Variants in KDM5B observed in about 807,000 individuals in gnomAD.
The protein encoded by KDM5B is lysine demethylase 5B.
Under a neutral mutation model 193.4 loss-of-function variants are expected in KDM5B, and 144 were observed. The ratio of observed to expected loss-of-function variants is 0.74; its 90% CI spans 0.65 to 0.86. The LOEUF is 0.86. KDM5B is among the 40% of genes least tolerant of loss of function. KDM5B has a pLI of 0.00. For missense variants in KDM5B, 1,833 were observed against 1,886.9 expected, an observed-to-expected ratio of 0.97 and a Z score of 0.53; for synonymous variants, 668 against 682.6, an observed-to-expected ratio of 0.98 and a Z score of 0.33.
At chr1:202,749,942 A>G (rs1048999318) in intron 13 of KDM5B, among the ~76,000 whole-genome samples, 5 of 152,254 alleles carry the variant, frequency 3.3e-5, no homozygotes, top group African/African-American at 1.2e-4. Context: ...ATACAAATAT[A>G]AAAATTAAAC....
intron 16 of KDM5B, 117 bp downstream of exon 16, chr1:202,745,741 G>C: frequency 8.6e-7 from 1 of 1,164,550 alleles, no homozygotes; most frequent in Non-Finnish European, 1.3e-6. Flanking sequence ...GCTATGTAGA[G>C]GGGCTAACCA....
At position 202,729,012 on chromosome 1, in the gene KDM5B, A is replaced by AG. The variant is rs765282597; in HGVS notation, c.*23dup. 1.9e-6 allele frequency: 3 copies of AG among 1,613,744 alleles called. No homozygotes were observed. Among genetic ancestry groups the AG allele is most frequent in the East Asian group, 2.2e-5 (1 of 44,880 alleles). On this transcript the variant is annotated 3_prime_UTR_variant, in exon 27 of 27. Coordinates refer to ENST00000367265, the MANE Select transcript of KDM5B (RefSeq NM_006618.5). ...GTTGGAGTCCTGAATTACATTAAGTAGGGGGGTATCTGTTTTTGTGTTTTT... is the reference window on the plus strand; with the variant it reads ...GTTGGAGTCCTGAATTACATTAAGTAGGGGGGGTATCTGTTTTTGTGTTTTT...
chr1:202,746,407 C>T (rs12045401), intron 14 of KDM5B, 84 bp from the exon 15 acceptor site: 2 of 627,512 alleles, frequency 3.2e-6, no homozygotes, highest in Non-Finnish European at 4.9e-6. Flanking sequence ...GTACTTGAGT[C>T]TGAAAAAAAA....
At position 202,746,164 on chromosome 1, in the gene KDM5B, G is replaced by A. The variant is rs774799890; in HGVS notation, c.2176C>T (p.Pro726Ser). The A allele has an allele frequency of 2.5e-6, 4 of 1,612,226 alleles. No homozygotes were observed. The highest frequency in any genetic ancestry group is 1.3e-5 in the African/African-American group (1 of 74,820). Reference protein sequence around the residue: ...LHHVKELCSCPPYKYKLRYRY... With the variant: ...LHHVKELCSCSPYKYKLRYRY... ...TACCGCAATTTATATTTGTAAGGAG[G>A]ACAGGAACACAATTCTTTTACATGA... The change falls in exon 15 of 27, where the codon CCT becomes TCT. Residue 726 changes from proline (P) to serine (S), a missense_variant. Physicochemically the swap from Pro to Ser is moderately conservative, Grantham distance 74 (BLOSUM62 -1). Transcript: ENST00000367265.
At position 202,727,362 on chromosome 1, in the gene KDM5B, G is replaced by T. The variant is rs1000101531; in HGVS notation, c.*1674C>A. 1 of 152,444 alleles carries T rather than the reference G, an allele frequency of 6.6e-6. No individual in the cohort carries two copies. The highest frequency in any genetic ancestry group is 2.4e-5 in the African/African-American group (1 of 41,432). The allele number at this position is 152,444 out of a possible 1,614,324, so 9.4% of individuals were successfully genotyped here. On this transcript the variant is annotated 3_prime_UTR_variant, in exon 27 of 27. Coordinates refer to ENST00000367265, the MANE Select transcript of KDM5B (RefSeq NM_006618.5). Reference sequence around the variant, plus strand: ...CCCCAGAACCACCATCAGACGAAGAGAAACATCACAACAACTGCAGAAAAC... The same window carrying T: ...CCCCAGAACCACCATCAGACGAAGATAAACATCACAACAACTGCAGAAAAC...
Position 202,742,691 on chromosome 1 carries a change from A to G in KDM5B, c.2438T>C (p.Val813Ala). The G allele has an allele frequency of 6.2e-7, 1 of 1,614,224 alleles. No homozygotes were observed. The highest frequency in any genetic ancestry group is 8.5e-7 in the Non-Finnish European group (1 of 1,180,046). Residue 813 changes from valine (V) to alanine (A), a missense_variant, in exon 17 of 27, where the codon GTT becomes GCT. Physicochemically the swap from Val to Ala is moderately conservative, Grantham distance 64. Transcript: ENST00000367265. ...TTTGCCATTAAGCAACTGCTGCGCA[A>G]CAGAGGCACACTTCTCTGCATCCTG... ...VTQDAEKCAS[V>A]AQQLLNGKRQ...
At chr1:202,786,741 G>A (rs1049621146) in intron 1 of KDM5B, among the ~76,000 whole-genome samples, 1 of 152,116 alleles carries the variant, frequency 6.6e-6, no homozygotes, top group Non-Finnish European at 1.5e-5. Flanking sequence ...GCTTATTACT[G>A]AAGTTTTAGA....
At chr1:202,766,650 A>T in intron 5 of KDM5B, 1 of 486,146 alleles carries the variant, frequency 2.1e-6, no homozygotes, top group Non-Finnish European at 3.7e-6. Flanking sequence ...CAATCCAAGT[A>T]GGAACACAGG....
Position 202,736,295 on chromosome 1 carries a change from G to A in KDM5B, c.3182C>T (p.Thr1061Ile). 6.2e-7 allele frequency: 1 copy of A among 1,612,866 alleles called. No homozygotes were observed. The highest frequency in any genetic ancestry group is 8.5e-7 in the Non-Finnish European group (1 of 1,179,446). The change falls in exon 21 of 27, where the codon ACC becomes ATC. Residue 1061 changes from threonine (T) to isoleucine (I), a missense_variant. Around this residue, in one of 3 missense-constraint regions of KDM5B, gnomAD observed 1,379 missense variants for 1,349.6 expected, o/e 1.02. Coordinates refer to ENST00000367265, the MANE Select transcript of KDM5B (RefSeq NM_006618.5). ...CCAAGCCTGAACCTCAGCTACTAGG[G>A]TTTCCAGTCTTGGCAAAGAATTCAG... ...VHLNSLPRLETLVAEVQAWKE... is the reference protein window; with the variant it reads ...VHLNSLPRLEILVAEVQAWKE...
chr1:202,808,227 G>A lies in KDM5B; in HGVS notation c.79C>T (p.Leu27=), dbSNP rs1265008324. 6.2e-7 allele frequency: 1 copy of A among 1,612,428 alleles called. No individual in the cohort carries two copies. The highest frequency in any genetic ancestry group is 1.3e-5 in the African/African-American group (1 of 74,996). ...AAGACCGGGCACTCGGGTGGAGGCA[G>A]GAACTCGCCCAGCGGGCCCGGGCCC... is the stretch of plus-strand genomic sequence containing the variant. The part of the protein sequence containing the change: ...LGGPGPLGEF[L]PPPECPVFEP... The change falls in exon 1 of 27, where the codon CTG becomes TTG. Residue 27 remains leucine (L), a synonymous_variant. Coordinates refer to ENST00000367265, the MANE Select transcript of KDM5B (RefSeq NM_006618.5).
At chr1:202,784,876 A>T (rs1314731190) in intron 1 of KDM5B, among the ~76,000 whole-genome samples, 5 of 152,172 alleles carry the variant, frequency 3.3e-5, no homozygotes, top group Non-Finnish European at 7.3e-5. Flanking sequence ...TCTACAAAAA[A>T]TACAAAAATT....
chr1:202,801,510 T>C (rs1245634852), intron 1 of KDM5B, among the ~76,000 whole-genome samples: 1 of 152,232 alleles, frequency 6.6e-6, no homozygotes, highest in Non-Finnish European at 1.5e-5. Context: ...TTCATTAATC[T>C]GGTTCATAAA....
At chr1:202,750,841 ATCTGGACACAGTC>A in intron 12 of KDM5B, 63 bp from the exon 13 acceptor site, 1 of 1,522,446 alleles carries the variant, frequency 6.6e-7, no homozygotes, top group Non-Finnish European at 9.0e-7. Context: ...ACTAAAGACA[ATCTGGACACAGTC>A]TATTAGATAA....
intron 1 of KDM5B, among the ~76,000 whole-genome samples, chr1:202,800,848 C>G (rs536286331): frequency 2.6e-5 from 4 of 152,362 alleles, no homozygotes; most frequent in Non-Finnish European, 5.9e-5. Flanking sequence ...CATGTGCCAA[C>G]AGACCTGCAG....
At chr1:202,743,404 C>T (rs1655430570) in intron 16 of KDM5B, among the ~76,000 whole-genome samples, 2 of 142,684 alleles carry the variant, frequency 1.4e-5, no homozygotes, top group Admixed American at 1.4e-4. Context: ...AAGAAAACAA[C>T]TGACTTATGA....
chr1:202,780,719 A>G (rs1657161997), intron 1 of KDM5B, among the ~76,000 whole-genome samples: 1 of 151,996 alleles, frequency 6.6e-6, no homozygotes, highest in South Asian at 2.1e-4. Flanking sequence ...CCAAGCATCA[A>G]TGAGTAAAAA....
chr1:202,754,946 A>C (rs7548747), intron 11 of KDM5B, among the ~76,000 whole-genome samples: 11,910 of 152,238 alleles, frequency 0.078, 554 homozygotes, highest in African/African-American at 0.12. Flanking sequence ...TGGCCTCCCA[A>C]ACTGCTGGGA....
chr1:202,733,626 T>G lies in KDM5B; in HGVS notation c.3684A>C (p.Pro1228=). 1 of 1,614,128 alleles carries G rather than the reference T, an allele frequency of 6.2e-7. No homozygotes were observed. Among genetic ancestry groups the G allele is most frequent in the South Asian group, 1.1e-5 (1 of 91,078 alleles). Residue 1228 remains proline (P), a synonymous_variant, in exon 23 of 27, where the codon CCA becomes CCC. Transcript: ENST00000367265. ...CPHCRRSEKP[P]LEKILPLLAS... ...CGAGCAGGGGCAGAATTTTCTCTAA[T>G]GGAGGTTTCTCTGACCTCCGACAAT...
rs914782405 is a variant in KDM5B, at chr1:202,729,965, G to A, written c.4239C>T (p.Arg1413=). The A allele has an allele frequency of 1.2e-6, 2 of 1,613,848 alleles. No homozygotes were observed. Among genetic ancestry groups the A allele is most frequent in the Non-Finnish European group, 8.5e-7 (1 of 1,179,958 alleles). The stretch of plus-strand genomic sequence containing the variant: ...CACTGGAGAGGCCCTCTCTTTCCAG[G>A]CGTCTCTTCAGTTTTCTCTCAAGAC... The part of the protein sequence containing the change: ...INSLERKLKR[R]LEREGLSSER... Residue 1413 remains arginine, a synonymous_variant, in exon 26 of 27, where the codon CGC becomes CGT. Coordinates refer to ENST00000367265, the MANE Select transcript of KDM5B (RefSeq NM_006618.5).
Sources: allele counts gnomAD v4.1 joint callset (sites outside exome capture counted in the v4.1 genomes callset), GRCh38; gene constraint gnomAD v4.1.1; regional missense constraint gnomAD v4.1.1; transcripts MANE v1.5; gene names NCBI Gene and HGNC (gene_info 2026-07-23, HGNC 2026-07-21).